The following CACNB4 variants were observed in gnomAD, a reference collection of about 807,000 sequenced individuals.
CACNB4 encodes calcium voltage-gated channel auxiliary subunit beta 4, also known as voltage-dependent L-type calcium channel subunit beta-4.
Under a neutral mutation model 71.2 loss-of-function variants are expected in CACNB4, and 32 were observed. That is an observed-to-expected ratio of 0.45 (90% CI 0.34 to 0.60). The LOEUF is 0.60. Among genes scored for constraint, CACNB4 ranks in the 20% least tolerant of loss-of-function variants. The probability of loss-of-function intolerance (pLI) is 0.01; values close to 1 mark genes in which losing one functional copy is unlikely to be tolerated. For missense variants in CACNB4, 464 were observed against 647.9 expected, an observed-to-expected ratio of 0.72 and a Z score of 3.08; for synonymous variants, 231 against 236.9, an observed-to-expected ratio of 0.97 and a Z score of 0.23.
intron 2 of CACNB4, among the ~76,000 whole-genome samples, chr2:152,097,115 ATGCTTAGTGCT>A (rs1444007697): frequency 6.6e-6 from 1 of 152,232 alleles, no homozygotes; most frequent in African/African-American, 2.4e-5. Flanking sequence ...CATAATGTAC[ATGCTTAGTGCT>A]CGCTGAATTA....
chr2:151,972,591 G>A (rs2099872868), intron 2 of CACNB4: 1 of 152,178 alleles, frequency 6.6e-6, no homozygotes, highest in South Asian at 2.1e-4. Context: ...ACACAGACAG[G>A]AAGGAAAAAT....
intron 9 of CACNB4, among the ~76,000 whole-genome samples, chr2:151,862,188 A>AT (rs1175458799): frequency 6.6e-6 from 1 of 152,208 alleles, no homozygotes; most frequent in African/African-American, 2.4e-5. Flanking sequence ...GGAGGGTAGA[A>AT]TTATCAATTA....
chr2:151,946,067 G>A (rs372013890), intron 2 of CACNB4, among the ~76,000 whole-genome samples: 24 of 152,050 alleles, frequency 1.6e-4, no homozygotes, highest in Non-Finnish European at 2.2e-4. Flanking sequence ...GGTGGCTCAC[G>A]GCTGTAATCC....
intron 2 of CACNB4, among the ~76,000 whole-genome samples, chr2:151,960,942 C>T (rs1006158828): frequency 5.3e-5 from 8 of 152,120 alleles, no homozygotes; most frequent in Non-Finnish European, 2.9e-5. Flanking sequence ...ATATTTTACA[C>T]ACCATAAAAC....
chr2:151,984,919 A>C (rs1480367189), intron 2 of CACNB4, among the ~76,000 whole-genome samples: 1 of 152,112 alleles, frequency 6.6e-6, no homozygotes, highest in Non-Finnish European at 1.5e-5. Context: ...CTTATGCTGG[A>C]AAACAACTTA....
At chr2:151,957,257 C>CGTGTTTGTGTGTGTGTGTGT (rs3068823) in intron 2 of CACNB4, among the ~76,000 whole-genome samples, 1 of 131,788 alleles carries the variant, frequency 7.6e-6, no homozygotes, top group Non-Finnish European at 1.6e-5. Context: ...AGTGGCTGGG[C>CGTGTTTGTGTGTGTGTGTGT]GTGTGTGTGT....
chr2:151,872,305 TTTAAA>T (rs766822698), intron 6 of CACNB4, 107 bp downstream of exon 6: 6 of 670,220 alleles, frequency 9.0e-6, no homozygotes, highest in South Asian at 1.7e-5. Flanking sequence ...TTAGAGAATC[TTTAAA>T]TTAAGCCTTC....
At chr2:152,019,481 A>C (rs1226345312) in intron 2 of CACNB4, among the ~76,000 whole-genome samples, 1 of 151,906 alleles carries the variant, frequency 6.6e-6, no homozygotes, top group Admixed American at 6.6e-5. Flanking sequence ...TACTCAGTAC[A>C]TGTTTAATTG....
intron 2 of CACNB4, among the ~76,000 whole-genome samples, chr2:152,080,311 C>T (rs932148369): frequency 6.6e-6 from 1 of 151,956 alleles, no homozygotes; most frequent in South Asian, 2.1e-4. Context: ...TTAGTAGAGA[C>T]AGGGTTTCAC....
intron 12 of CACNB4, among the ~76,000 whole-genome samples, chr2:151,846,280 CG>C (rs1410229585): frequency 6.6e-6 from 1 of 152,118 alleles, no homozygotes; most frequent in East Asian, 1.9e-4. Context: ...CAGTGCTCTC[CG>C]GGTCCTACCT....
At chr2:151,874,432 C>T (rs141162967) in intron 5 of CACNB4, among the ~76,000 whole-genome samples, 70 of 149,228 alleles carry the variant, frequency 4.7e-4, no homozygotes, top group African/African-American at 1.6e-3. Flanking sequence ...TGCGCCACTG[C>T]ACTCCAGCCT....
At chr2:152,037,169 A>C (rs1187686568) in intron 2 of CACNB4, among the ~76,000 whole-genome samples, 1 of 152,164 alleles carries the variant, frequency 6.6e-6, no homozygotes, top group Non-Finnish European at 1.5e-5. Context: ...TACCTTCTCA[A>C]TGAGTGATGT....
At chr2:151,875,867 C>A (rs1388270413) in intron 5 of CACNB4, among the ~76,000 whole-genome samples, 1 of 144,690 alleles carries the variant, frequency 6.9e-6, no homozygotes, top group East Asian at 2.3e-4. Flanking sequence ...ATCTCCCTCC[C>A]GGACGGGGCG....
chr2:152,075,252 C>T (rs1442543042), intron 2 of CACNB4, among the ~76,000 whole-genome samples: 1 of 152,242 alleles, frequency 6.6e-6, no homozygotes, highest in Non-Finnish European at 1.5e-5. Flanking sequence ...TCAGTCCATT[C>T]ACCTGATGCC....
At chr2:151,880,777 G>A (rs181883927) in intron 4 of CACNB4, 23 bp downstream of exon 4, 1 of 1,601,896 alleles carries the variant, frequency 6.2e-7, no homozygotes, top group East Asian at 2.2e-5. Flanking sequence ...CAGGTGAAGG[G>A]ATGCAGTATG....
At chr2:151,841,439 T>C (rs770884614) in intron 13 of CACNB4, among the ~76,000 whole-genome samples, 1 of 151,626 alleles carries the variant, frequency 6.6e-6, no homozygotes, top group Non-Finnish European at 1.5e-5. Context: ...TAATTATCCA[T>C]GTGTGTGGTA....
chr2:151,972,696 TTTG>T (rs1370999741), intron 2 of CACNB4: 1 of 142,764 alleles, frequency 7.0e-6, no homozygotes, highest in Non-Finnish European at 1.6e-5. Context: ...AGGGTTTTTT[TTTG>T]TTTTTTGTTT....
intron 2 of CACNB4, among the ~76,000 whole-genome samples, chr2:151,937,886 A>G (rs2099863312): frequency 6.6e-6 from 1 of 152,236 alleles, no homozygotes; most frequent in Non-Finnish European, 1.5e-5. Flanking sequence ...TCTATATAAT[A>G]AAAGCCAAGT....
At chr2:151,944,799 A>G (rs1308450646) in intron 2 of CACNB4, among the ~76,000 whole-genome samples, 1 of 152,210 alleles carries the variant, frequency 6.6e-6, no homozygotes, top group East Asian at 1.9e-4. Context: ...TTCAACAACA[A>G]AAAGTTACAA....
Sources: gnomAD v4.1 joint callset for allele counts (sites outside exome capture counted in the v4.1 genomes callset) on GRCh38, gnomAD v4.1.1 for gene constraint, MANE v1.5 for transcripts, NCBI Gene and HGNC (gene_info 2026-07-23, HGNC 2026-07-21) for gene names.